TAB3: variants seen among roughly 807,000 people sequenced by gnomAD.
TAB3 encodes the protein TGF-beta activated kinase 1 (MAP3K7) binding protein 3.
A neutral mutation model predicts 48.1 loss-of-function variants in TAB3; 18 were observed. That is an observed-to-expected ratio of 0.37 (90% CI 0.26 to 0.55). The LOEUF (loss-of-function observed/expected upper bound fraction) is 0.55, where lower values mean the gene tolerates loss of function less well. Ranked by LOEUF, TAB3 falls within the 20% of genes least tolerant of loss-of-function variation. The pLI, the probability that TAB3 is intolerant of heterozygous loss-of-function variation, is 0.78. For synonymous variants in TAB3, 185 were observed against 190.2 expected, an observed-to-expected ratio of 0.97 and a Z score of 0.22; for missense variants, 414 against 549.8, an observed-to-expected ratio of 0.75 and a Z score of 2.47.
Position 30,872,812 on chromosome X carries a change from C to T in TAB3, c.-382-1011G>A, listed in dbSNP as rs771153013. On this transcript the variant is annotated intron_variant, in intron 1 of 10. Coordinates refer to ENST00000288422, the MANE Select transcript of TAB3 (RefSeq NM_152787.5). ...CCACTTGAACCCTCTGATGAATCTT[C>T]ACAACACTTAAGGTGAAATGACCAG... is the stretch of plus-strand genomic sequence containing the variant. 4.5e-5 allele frequency among the ~76,000 whole-genome samples: 5 copies of T among 112,126 alleles called. No individual in the cohort carries two copies. The East Asian group carries it at 1.4e-3, about 32-fold the overall frequency.
At chrX:30,864,044 C>A (rs1601827343) in intron 4 of TAB3, among the ~76,000 whole-genome samples, 1 of 111,500 alleles carries the variant, frequency 9.0e-6, no homozygotes, top group East Asian at 2.8e-4. Context: ...ATTTTTTATA[C>A]AATAAGTGCT....
intron 9 of TAB3, among the ~76,000 whole-genome samples, chrX:30,838,225 A>G (rs1196893172): frequency 8.9e-6 from 1 of 112,159 alleles, no homozygotes; most frequent in Non-Finnish European, 1.9e-5. Context: ...AGCCACCAGA[A>G]TAGCTGGGAC....
intron 1 of TAB3, among the ~76,000 whole-genome samples, chrX:30,875,500 G>A (rs1360414742): frequency 9.1e-6 from 1 of 110,463 alleles, no homozygotes; most frequent in South Asian, 3.8e-4. Flanking sequence ...ATTTCACAAG[G>A]GCAGATATAT....
At chrX:30,842,135 T>C (rs748028579) in intron 9 of TAB3, among the ~76,000 whole-genome samples, 85 of 112,804 alleles carry the variant, frequency 7.5e-4, no homozygotes, top group Non-Finnish European at 1.2e-3. Context: ...AAACATTTGC[T>C]ACATAAAAAT....
rs1938005388 is a variant in TAB3, at chrX:30,830,912, G to GACCCCC, written c.*514_*515insGGGGGT. 1 of 43,609 alleles carries GACCCCC rather than the reference G, an allele frequency of 2.3e-5. No individual in the cohort carries two copies. The highest frequency in any genetic ancestry group is 4.1e-5 in the Non-Finnish European group (1 of 24,155). 3.6% of individuals were successfully genotyped at this position (43,609 alleles called of 1,213,427 possible). A position where few individuals can be genotyped will look rare whatever the true frequency, so the allele number is the denominator to read the frequency against. On this transcript the variant is annotated 3_prime_UTR_variant, in exon 11 of 11. Transcript: ENST00000288422. Reference sequence around the variant, plus strand: ...AATTACAAATACCCTTAATTAATTTGCCCCCCCCCCCCAAATATTCTAGGT... The same window carrying GACCCCC: ...AATTACAAATACCCTTAATTAATTTGACCCCCCCCCCCCCCCCCAAATATTCTAGGT...
At chrX:30,853,140 T>A (rs1938922665) in intron 6 of TAB3, among the ~76,000 whole-genome samples, 1 of 112,185 alleles carries the variant, frequency 8.9e-6, no homozygotes. Context: ...CACCTGAACA[T>A]CCCTCTTGTT....
intron 5 of TAB3, among the ~76,000 whole-genome samples, chrX:30,859,279 C>T (rs1167046662): frequency 1.8e-5 from 2 of 109,262 alleles, no homozygotes; most frequent in African/African-American, 6.7e-5. Flanking sequence ...AGTAATTCTA[C>T]AATGCACAAG....
At chrX:30,880,202 T>C (rs1339458407) in intron 1 of TAB3, among the ~76,000 whole-genome samples, 2 of 111,402 alleles carry the variant, frequency 1.8e-5, no homozygotes, top group Non-Finnish European at 3.8e-5. Flanking sequence ...ATCAAAGAAA[T>C]GTGCAAAGGG....
intron 4 of TAB3, among the ~76,000 whole-genome samples, chrX:30,865,787 C>A (rs1939386608): frequency 8.9e-6 from 1 of 112,189 alleles, no homozygotes; most frequent in Non-Finnish European, 1.9e-5. Context: ...CAGTTTAAAG[C>A]AAACCTTGCT....
chrX:30,867,528 T>C lies in TAB3; in HGVS notation c.-258A>G, dbSNP rs1569220577. Reference sequence around the variant, plus strand: ...TCACATCTCCAGCTCTGAAAGCAACTTCTTTTCAGTAGTCTAGAAATCTGA... The same window carrying C: ...TCACATCTCCAGCTCTGAAAGCAACCTCTTTTCAGTAGTCTAGAAATCTGA... On this transcript the variant is annotated 5_prime_UTR_variant, in exon 3 of 11. Transcript: ENST00000288422. 1 of 112,009 alleles carries C rather than the reference T, an allele frequency of 8.9e-6. No homozygotes were observed. The highest frequency in any genetic ancestry group is 2.8e-4 in the East Asian group (1 of 3,588). The allele number at this position is 112,009 out of a possible 1,213,427, so 9.2% of individuals were successfully genotyped here. A position where few individuals can be genotyped will look rare whatever the true frequency, so the allele number is the denominator to read the frequency against.
At chrX:30,837,713 GTTTTTC>G (rs1174946304) in intron 9 of TAB3, among the ~76,000 whole-genome samples, 1 of 112,195 alleles carries the variant, frequency 8.9e-6, no homozygotes, top group Non-Finnish European at 1.9e-5. Flanking sequence ...TTTATCAATT[GTTTTTC>G]TTTTTATTGC....
At chrX:30,836,130 C>A (rs1938203568) in intron 9 of TAB3, 1 of 111,636 alleles carries the variant, frequency 9.0e-6, no homozygotes, top group Admixed American at 9.5e-5. Flanking sequence ...GAAAGGCTTA[C>A]CAAAAAATTA....
chrX:30,845,970 G>A (rs748649350), intron 8 of TAB3: 2 of 998,181 alleles, frequency 2.0e-6, no homozygotes, highest in Non-Finnish European at 2.6e-6. Flanking sequence ...TGCAGCAGCT[G>A]TGGACATCAG....
At chrX:30,874,544 A>G (rs150528508) in intron 1 of TAB3, among the ~76,000 whole-genome samples, 6 of 112,416 alleles carry the variant, frequency 5.3e-5, no homozygotes, top group Middle Eastern at 4.6e-3. Context: ...AGTACCTACA[A>G]ATAAACAAGG....
chrX:30,863,209 T>C (rs1939301500), intron 4 of TAB3, among the ~76,000 whole-genome samples: 1 of 112,332 alleles, frequency 8.9e-6, no homozygotes, highest in East Asian at 2.8e-4. Flanking sequence ...GTACAAACAT[T>C]CACTCACATC....
chrX:30,863,601 TC>T (rs1283034486), intron 4 of TAB3, among the ~76,000 whole-genome samples: 1 of 112,012 alleles, frequency 8.9e-6, no homozygotes, highest in East Asian at 2.8e-4. Flanking sequence ...CCCGCCTTGC[TC>T]CCGCTTTTGC....
chrX:30,866,452 T>G (rs185529314), intron 4 of TAB3, among the ~76,000 whole-genome samples: 1 of 109,740 alleles, frequency 9.1e-6, no homozygotes, highest in African/African-American at 3.3e-5. Context: ...ATTCTAAAAC[T>G]GGGGCAGGGA....
intron 1 of TAB3, among the ~76,000 whole-genome samples, chrX:30,879,653 A>C (rs993453696): frequency 8.9e-6 from 1 of 111,829 alleles, no homozygotes; most frequent in Admixed American, 9.5e-5. Flanking sequence ...TTAATGGAGA[A>C]ATGTTCAAAG....
In TAB3 at chrX:30,879,826, T is replaced by C. The variant is rs180928650; in HGVS notation, c.-382-8025A>G. 2.1e-3 allele frequency among the ~76,000 whole-genome samples: 239 copies of C among 111,626 alleles called. 1 individual carries two copies. Among genetic ancestry groups the C allele is most frequent in the Non-Finnish European group, 3.7e-3 (196 of 52,991 alleles). On this transcript the variant is annotated intron_variant, in intron 1 of 10. Coordinates refer to ENST00000288422, the MANE Select transcript of TAB3 (RefSeq NM_152787.5). ...TTTGCAGATAAGAAGACTGAATACA[T>C]AGTAAAAGATCAAATACATACTCTA...
Sources: allele counts gnomAD v4.1 joint callset (sites outside exome capture counted in the v4.1 genomes callset), GRCh38; gene constraint gnomAD v4.1.1; transcripts MANE v1.5; gene names NCBI Gene and HGNC (gene_info 2026-07-23, HGNC 2026-07-21).